Variants in ERCC6L2 observed in about 807,000 individuals in gnomAD.
The protein encoded by ERCC6L2 is DNA excision repair protein ERCC-6-like 2.
A neutral mutation model predicts 132.0 loss-of-function variants in ERCC6L2; 77 were observed. The observed-to-expected ratio is 0.58, with a 90% CI of 0.49 to 0.71. The LOEUF (loss-of-function observed/expected upper bound fraction) is 0.71. ERCC6L2 is among the 30% of genes least tolerant of loss of function. The pLI, the probability that ERCC6L2 is intolerant of heterozygous loss-of-function variation, is 0.00. For synonymous variants in ERCC6L2, 583 were observed against 632.4 expected (o/e 0.92, Z 1.17); for missense variants, 1,542 against 1,837.6 (o/e 0.84, Z 2.94).
intron 16 of ERCC6L2, among the ~76,000 whole-genome samples, 181 bp downstream of exon 16, chr9:95,973,269 A>AT (rs1233937213): frequency 1.3e-5 from 2 of 152,278 alleles, no homozygotes; most frequent in Admixed American, 6.5e-5. Context: ...AAGATAGAGA[A>AT]TGTTGCCATC....
chr9:96,019,339 C>T (rs139146507), downstream of ERCC6L2, among the ~76,000 whole-genome samples: 28 of 152,232 alleles, frequency 1.8e-4, no homozygotes, highest in East Asian at 5.2e-3. Context: ...TGAGAAGCCC[C>T]CAGCCCCCTC....
intron 11 of ERCC6L2, among the ~76,000 whole-genome samples, chr9:95,932,699 T>C: frequency 6.6e-6 from 1 of 152,284 alleles, no homozygotes; most frequent in South Asian, 2.1e-4. Flanking sequence ...TAATACATAA[T>C]AATAAAACTT....
chr9:95,905,713 C>T (rs1482286414), intron 3 of ERCC6L2, among the ~76,000 whole-genome samples: 3 of 152,178 alleles, frequency 2.0e-5, no homozygotes, highest in East Asian at 1.9e-4. Flanking sequence ...GGAACTCTCA[C>T]GTTCAGCATG....
At chr9:96,018,885 T>A (rs1295003316), downstream of ERCC6L2, among the ~76,000 whole-genome samples, 1 of 152,204 alleles carries the variant, frequency 6.6e-6, no homozygotes, top group Non-Finnish European at 1.5e-5. Context: ...CATCTGACAT[T>A]CTTGGTTTTT....
At chr9:96,031,858 G>A (rs79581329) in intron 19 of ERCC6L2, among the ~76,000 whole-genome samples, 5,009 of 152,232 alleles carry the variant, frequency 0.033, 118 homozygotes, top group East Asian at 0.15. Context: ...TGCTTGCTGG[G>A]CACATCCTGA....
rs1430219350 is a variant in ERCC6L2, at chr9:95,881,107, A to C, written c.285A>C (p.Pro95=). 3.7e-6 allele frequency: 6 copies of C among 1,613,360 alleles called. No homozygotes were observed. The highest frequency in any genetic ancestry group is 3.3e-5 in the Admixed American group (2 of 59,800). The change falls in exon 2 of 19, where the codon CCA becomes CCC. Residue 95 remains proline (P), a synonymous_variant. Coordinates refer to ENST00000653738, the MANE Select transcript of ERCC6L2 (RefSeq NM_020207.7). The stretch of plus-strand genomic sequence containing the variant: ...AAGATTTAGAAAAACCTTATTTCCC[A>C]AACCGAAAATTTCCATCATCTTCTG... ...DDEDLEKPYF[P]NRKFPSSSVA...
Position 96,007,486 on chromosome 9 carries a change from T to C in ERCC6L2, c.3674+2785T>C, listed in dbSNP as rs1489553227. On this transcript the variant is annotated intron_variant, in intron 18 of 18. Transcript: ENST00000653738. ...AAGCAATGAAGGGGTCACTGAAGATTGAGGAGAGAACAGTTTAGCTGGATG... is the reference window on the plus strand; with the variant it reads ...AAGCAATGAAGGGGTCACTGAAGATCGAGGAGAGAACAGTTTAGCTGGATG... Among the ~76,000 whole-genome samples, 4 of 152,032 alleles carry C rather than the reference T, an allele frequency of 2.6e-5. No homozygotes were observed. The East Asian group carries it at 7.7e-4, about 29-fold the overall frequency.
intron 17 of ERCC6L2, among the ~76,000 whole-genome samples, chr9:95,987,764 CTGTG>C (rs572218679): frequency 5.3e-5 from 8 of 152,230 alleles, no homozygotes; most frequent in Non-Finnish European, 1.0e-4. Context: ...ATTGGGAACT[CTGTG>C]TGGGGACTCT....
Position 95,916,402 on chromosome 9 carries a change from A to G in ERCC6L2, c.1126A>G (p.Ile376Val). 1 of 1,588,236 alleles carries G rather than the reference A, an allele frequency of 6.3e-7. No individual in the cohort carries two copies. The highest frequency in any genetic ancestry group is 2.2e-5 in the East Asian group (1 of 44,592). The change falls in exon 6 of 19, where the codon ATC becomes GTC. Residue 376 changes from isoleucine to valine, a missense_variant. By Grantham distance (29) the Ile-to-Val change is conservative. Coordinates refer to ENST00000653738, the MANE Select transcript of ERCC6L2 (RefSeq NM_020207.7). ...GTTTCTCAGGCGCACCAAGACTCTTATCAAGGATCAGTTGCCTAAGAAGGA... is the reference window on the plus strand; with the variant it reads ...GTTTCTCAGGCGCACCAAGACTCTTGTCAAGGATCAGTTGCCTAAGAAGGA... ...GWFLRRTKTL[I>V]KDQLPKKEDR...
At chr9:95,940,782 G>T (rs573781705) in intron 11 of ERCC6L2, among the ~76,000 whole-genome samples, 2 of 151,990 alleles carry the variant, frequency 1.3e-5, no homozygotes, top group African/African-American at 4.8e-5. Context: ...TTTAAATCCT[G>T]TTGGTTGGTC....
chr9:95,904,321 G>A (rs1017895104), intron 3 of ERCC6L2, among the ~76,000 whole-genome samples: 2 of 151,812 alleles, frequency 1.3e-5, no homozygotes, highest in Non-Finnish European at 2.9e-5. Flanking sequence ...TTATTATTCC[G>A]AACTTAGCAT....
At chr9:95,981,980 G>C (rs911382992) in intron 17 of ERCC6L2, among the ~76,000 whole-genome samples, 3 of 152,102 alleles carry the variant, frequency 2.0e-5, no homozygotes, top group African/African-American at 7.2e-5. Context: ...TATAGACTGT[G>C]ACCAACTCTA....
At chr9:95,885,325 T>C (rs1827807816) in intron 2 of ERCC6L2, among the ~76,000 whole-genome samples, 1 of 152,182 alleles carries the variant, frequency 6.6e-6, no homozygotes, top group South Asian at 2.1e-4. Context: ...CATACACATA[T>C]CCAAGAAAAG....
chr9:95,911,039 C>T (rs934526130), intron 4 of ERCC6L2, among the ~76,000 whole-genome samples: 1 of 152,164 alleles, frequency 6.6e-6, no homozygotes, highest in East Asian at 1.9e-4. Flanking sequence ...GGACTACAGG[C>T]ATGCGCCACC....
At chr9:95,928,888 T>C in intron 11 of ERCC6L2, 24 bp downstream of exon 11, 1 of 1,451,178 alleles carries the variant, frequency 6.9e-7, no homozygotes, top group South Asian at 1.4e-5. Context: ...ATTTAATAAC[T>C]AGATTTTTAT....
chr9:95,907,863 A>AAACACACACACACACACACACACACC (rs1829151717), intron 4 of ERCC6L2, among the ~76,000 whole-genome samples: 1 of 150,134 alleles, frequency 6.7e-6, no homozygotes, highest in Non-Finnish European at 1.5e-5. Context: ...ACACCCCCAC[A>AAACACACACACACACACACACACACC]CCCACACACC....
chr9:96,017,152 C>G lies in ERCC6L2; in HGVS notation c.*3949C>G, dbSNP rs1157664278. 6.6e-6 allele frequency among the ~76,000 whole-genome samples: 1 copy of G among 152,160 alleles called. No individual in the cohort carries two copies. The highest frequency in any genetic ancestry group is 2.4e-5 in the African/African-American group (1 of 41,428). On this transcript the variant is annotated 3_prime_UTR_variant, in exon 19 of 19. Coordinates refer to ENST00000653738, the MANE Select transcript of ERCC6L2 (RefSeq NM_020207.7). ...TCTTCCACCAGAGATTGCAAAGCAT[C>G]CTCTGCCCAGTGCTTCTAGGAGGCC...
intron 13 of ERCC6L2, among the ~76,000 whole-genome samples, chr9:95,965,024 C>T (rs1025332971): frequency 5.9e-5 from 9 of 152,222 alleles, no homozygotes; most frequent in Middle Eastern, 3.4e-3. Flanking sequence ...GGTAGGTACC[C>T]GGGCTATCAC....
At chr9:96,037,932 T>C (rs1834538188) in intron 19 of ERCC6L2, among the ~76,000 whole-genome samples, 2 of 151,768 alleles carry the variant, frequency 1.3e-5, no homozygotes, top group Admixed American at 1.3e-4. Flanking sequence ...TCTATGGATT[T>C]GGCCATGTGG....
Sources: gnomAD v4.1 joint callset for allele counts (sites outside exome capture counted in the v4.1 genomes callset) on GRCh38, gnomAD v4.1.1 for gene constraint, MANE v1.5 for transcripts, NCBI Gene and HGNC (gene_info 2026-07-23, HGNC 2026-07-21) for gene names.